The following DENND2B variants were observed in gnomAD, a reference collection of about 807,000 sequenced individuals.
DENND2B encodes DENN domain-containing protein 2B.
In DENND2B, 32 loss-of-function variants were observed where a neutral mutation model predicts 116.0. The ratio of observed to expected loss-of-function variants is 0.28; its 90% CI spans 0.21 to 0.37. The LOEUF (loss-of-function observed/expected upper bound fraction) is 0.37, where lower values mean the gene tolerates loss of function less well. Among genes scored for constraint, DENND2B ranks in the 10% least tolerant of loss-of-function variants. DENND2B has a pLI of 1.00. For synonymous variants in DENND2B, 588 were observed against 583.9 expected (o/e 1.01, Z -0.10); for missense variants, 1,276 against 1,477.7 (o/e 0.86, Z 2.24).
chr11:8,845,547 A>G (rs1159964144), intron 3 of DENND2B, among the ~76,000 whole-genome samples: 1 of 152,258 alleles, frequency 6.6e-6, no homozygotes, highest in African/African-American at 2.4e-5. Flanking sequence ...TCCTAATAAT[A>G]GTCCTAATTG....
At chr11:8,840,978 T>TA (rs200414250) in intron 3 of DENND2B, among the ~76,000 whole-genome samples, 11 of 152,060 alleles carry the variant, frequency 7.2e-5, no homozygotes, top group South Asian at 2.1e-4. Context: ...ACTGTGATTT[T>TA]AAAAGAAAAA....
Position 8,730,590 on chromosome 11 carries a change from C to T in DENND2B, c.700G>A (p.Glu234Lys), listed in dbSNP as rs780076398. ...GLRRMSRTFS[E>K]CSYPETEEEG... Reference sequence around the variant, plus strand: ...TCCTCAGTCTCTGGGTAGGAACACTCGGAGAAGGTCCTGCTCATCCTCCGG... The same window carrying T: ...TCCTCAGTCTCTGGGTAGGAACACTTGGAGAAGGTCCTGCTCATCCTCCGG... Residue 234 changes from glutamate (E) to lysine (K), a missense_variant, in exon 3 of 20, where the codon GAG (glutamate) becomes AAG (lysine). Transcript: ENST00000313726. This position sits in a 1 kb window ranked among gnomAD's most constrained non-coding sequence, Gnocchi z 4.1. The T allele has an allele frequency of 1.6e-5, 26 of 1,613,056 alleles. No individual in the cohort carries two copies. Among genetic ancestry groups the T allele is most frequent in the Admixed American group, 1.0e-4 (6 of 60,014 alleles).
intron 1 of DENND2B, among the ~76,000 whole-genome samples, chr11:8,883,914 A>C (rs1025438): frequency 0.077 from 11,652 of 152,278 alleles, 672 homozygotes; most frequent in East Asian, 0.23. Context: ...ATCTTTACAA[A>C]CCATTTGTTT....
intron 5 of DENND2B, 29 bp downstream of exon 5, chr11:8,717,712 C>A: frequency 6.6e-7 from 1 of 1,514,940 alleles, no homozygotes; most frequent in South Asian, 1.3e-5. Flanking sequence ...TCACGCTAAC[C>A]CTACAGGCCG....
intron 1 of DENND2B, among the ~76,000 whole-genome samples, chr11:8,883,228 G>A (rs1295472301): frequency 6.6e-6 from 1 of 152,134 alleles, no homozygotes; most frequent in East Asian, 1.9e-4. Flanking sequence ...GGCAAAAAGA[G>A]ATCTCTTTAG....
chr11:8,742,143 T>C (rs1055137692), intron 2 of DENND2B, among the ~76,000 whole-genome samples: 1 of 152,164 alleles, frequency 6.6e-6, no homozygotes, highest in Non-Finnish European at 1.5e-5. Context: ...CAAGTGATCC[T>C]TATGCCTCAG....
chr11:8,750,136 TG>T (rs2052092158), intron 2 of DENND2B, among the ~76,000 whole-genome samples: 1 of 152,368 alleles, frequency 6.6e-6, no homozygotes, highest in Admixed American at 6.5e-5. Flanking sequence ...GCTCGCTATT[TG>T]GTAAGTGGTT....
chr11:8,748,213 T>C (rs551801914), intron 2 of DENND2B, among the ~76,000 whole-genome samples: 11 of 152,266 alleles, frequency 7.2e-5, no homozygotes, highest in Admixed American at 7.2e-4. Flanking sequence ...AGTCTCCTCC[T>C]TGGATTCATG....
At chr11:8,900,930 T>C (rs2064159785) in intron 1 of DENND2B, among the ~76,000 whole-genome samples, 1 of 151,448 alleles carries the variant, frequency 6.6e-6, no homozygotes, top group African/African-American at 2.4e-5. Flanking sequence ...GATCATGCCA[T>C]TGCACTCCAG....
chr11:8,792,474 A>C (rs1368723697), intron 1 of DENND2B, among the ~76,000 whole-genome samples: 3 of 152,250 alleles, frequency 2.0e-5, no homozygotes, highest in Non-Finnish European at 4.4e-5. Flanking sequence ...GCAAATAATT[A>C]GCATAAACAA....
intron 1 of DENND2B, among the ~76,000 whole-genome samples, chr11:8,760,722 A>G (rs933782815): frequency 1.3e-5 from 2 of 152,230 alleles, no homozygotes; most frequent in African/African-American, 4.8e-5. Context: ...CACTACTTCT[A>G]TACACATTGT....
chr11:8,797,930 TCAGG>T (rs1284484320), intron 1 of DENND2B, among the ~76,000 whole-genome samples: 1 of 152,280 alleles, frequency 6.6e-6, no homozygotes, highest in East Asian at 1.9e-4. Flanking sequence ...CTTTCCTACC[TCAGG>T]AGCTTTGACA....
At position 8,730,207 on chromosome 11, in the gene DENND2B, C is replaced by G. The variant is rs200775209; in HGVS notation, c.1083G>C (p.Lys361Asn). The change falls in exon 3 of 20, where the codon AAG becomes AAC. Residue 361 changes from lysine (K) to asparagine (N), a missense_variant. Coordinates refer to ENST00000313726, the MANE Select transcript of DENND2B (RefSeq NM_213618.2). The surrounding 1 kb of genome is among the most constrained non-coding windows in gnomAD (Gnocchi z 4.1). The stretch of plus-strand genomic sequence containing the variant: ...TAGGGCTATTTCCAGGGGTCCCGGG[C>G]TTAGTGGAACCACTGCCTTCCCTCT... ...PPEREGSGST[K>N]PGTPGNSPSS... 1.0e-4 allele frequency: 163 copies of G among 1,613,332 alleles called. 1 individual carries two copies. The South Asian group carries it at 1.2e-3, about 12-fold the overall frequency.
upstream of DENND2B, among the ~76,000 whole-genome samples, chr11:8,814,791 C>T (rs1266654525): frequency 2.6e-5 from 4 of 152,220 alleles, no homozygotes; most frequent in African/African-American, 9.6e-5. Flanking sequence ...AGCTGGCACT[C>T]AATAAATATC....
chr11:8,738,987 G>A (rs1021475236), intron 2 of DENND2B, among the ~76,000 whole-genome samples: 6 of 152,194 alleles, frequency 3.9e-5, no homozygotes, highest in Non-Finnish European at 8.8e-5. Context: ...GCACCAGACT[G>A]TTTCCTCTCC....
chr11:8,833,270 C>A (rs1276335640), intron 4 of DENND2B, among the ~76,000 whole-genome samples: 1 of 152,158 alleles, frequency 6.6e-6, no homozygotes, highest in East Asian at 1.9e-4. Flanking sequence ...AGGATAAGCA[C>A]AGGAGAAGGA....
At chr11:8,846,660 A>T (rs2062825089) in intron 3 of DENND2B, among the ~76,000 whole-genome samples, 1 of 152,132 alleles carries the variant, frequency 6.6e-6, no homozygotes, top group African/African-American at 2.4e-5. Context: ...CACCAAGTCA[A>T]ATCCTGCCAA....
intron 1 of DENND2B, among the ~76,000 whole-genome samples, chr11:8,791,494 A>C (rs1283352584): frequency 6.6e-6 from 1 of 152,180 alleles, no homozygotes; most frequent in Non-Finnish European, 1.5e-5. Context: ...AGCCAGGCAC[A>C]GTGGCTCACA....
intron 1 of DENND2B, among the ~76,000 whole-genome samples, chr11:8,758,338 G>A (rs770067390): frequency 2.6e-5 from 4 of 151,912 alleles, no homozygotes; most frequent in Non-Finnish European, 4.4e-5. Context: ...AACCACAAAG[G>A]AACGCACACA....
Sources: allele counts gnomAD v4.1 joint callset (sites outside exome capture counted in the v4.1 genomes callset), GRCh38; gene constraint gnomAD v4.1.1; non-coding constraint Gnocchi (gnomAD v3.1); transcripts MANE v1.5; gene names NCBI Gene and HGNC (gene_info 2026-07-23, HGNC 2026-07-21).